The following KCNAB1 variants were observed in gnomAD, a reference collection of about 807,000 sequenced individuals.
KCNAB1 encodes potassium voltage-gated channel subfamily A regulatory beta subunit 1, also known as voltage-gated potassium channel subunit beta-1.
Under a neutral mutation model 64.6 loss-of-function variants are expected in KCNAB1, and 35 were observed. The observed-to-expected ratio is 0.54, with a 90% CI of 0.41 to 0.72. KCNAB1 has a LOEUF of 0.72. Among genes scored for constraint, KCNAB1 ranks in the 30% least tolerant of loss-of-function variants. The pLI is 0.00. For synonymous variants in KCNAB1, 177 were observed against 183.8 expected, an observed-to-expected ratio of 0.96 and a Z score of 0.30; for missense variants, 401 against 512.9, an observed-to-expected ratio of 0.78 and a Z score of 2.11.
chr3:156,267,307 G>T (rs1453348322), intron 1 of KCNAB1, among the ~76,000 whole-genome samples: 2 of 152,038 alleles, frequency 1.3e-5, no homozygotes, highest in Non-Finnish European at 2.9e-5. Context: ...TTACCTTATG[G>T]CTGGCTGACT....
intron 1 of KCNAB1, among the ~76,000 whole-genome samples, chr3:156,166,872 T>C (rs1195370850): frequency 2.0e-5 from 3 of 152,234 alleles, no homozygotes; most frequent in Admixed American, 6.5e-5. Flanking sequence ...TGTAACGTTC[T>C]GCGAAGGCTT....
intron 12 of KCNAB1, among the ~76,000 whole-genome samples, chr3:156,528,717 A>T (rs1718495543): frequency 6.6e-6 from 1 of 152,198 alleles, no homozygotes; most frequent in African/African-American, 2.4e-5. Flanking sequence ...AGGGAGAGGA[A>T]GAGGAGAAAA....
intron 1 of KCNAB1, among the ~76,000 whole-genome samples, chr3:156,317,336 T>G (rs1722343384): frequency 6.6e-6 from 1 of 152,336 alleles, no homozygotes; most frequent in African/African-American, 2.4e-5. Flanking sequence ...TCTTGCTATT[T>G]TCAAGCTTTT....
At chr3:156,527,746 A>C (rs1718422374) in intron 12 of KCNAB1, among the ~76,000 whole-genome samples, 1 of 152,190 alleles carries the variant, frequency 6.6e-6, no homozygotes, top group African/African-American at 2.4e-5. Flanking sequence ...AAACTCTCAG[A>C]ATCAAAAGGG....
intron 1 of KCNAB1, among the ~76,000 whole-genome samples, chr3:156,121,846 G>A (rs865883469): frequency 2.6e-5 from 4 of 152,272 alleles, no homozygotes; most frequent in African/African-American, 2.4e-5. Context: ...AGTGCACTCT[G>A]AGCTGCCTTT....
At chr3:156,504,061 T>A (rs1576949863) in intron 8 of KCNAB1, among the ~76,000 whole-genome samples, 1 of 152,146 alleles carries the variant, frequency 6.6e-6, no homozygotes, top group African/African-American at 2.4e-5. Flanking sequence ...TATCCTCCTT[T>A]CCCTCCCACT....
intron 1 of KCNAB1, among the ~76,000 whole-genome samples, chr3:156,385,339 T>C (rs1344911748): frequency 6.6e-6 from 1 of 152,126 alleles, no homozygotes; most frequent in Non-Finnish European, 1.5e-5. Flanking sequence ...GGTTGTTTAG[T>C]GCCTTCTAGA....
chr3:156,167,123 T>A (rs1195235464), intron 1 of KCNAB1, among the ~76,000 whole-genome samples: 1 of 152,216 alleles, frequency 6.6e-6, no homozygotes, highest in Non-Finnish European at 1.5e-5. Flanking sequence ...CACCACCATG[T>A]CCACATACCC....
chr3:156,390,550 T>TTCCTTCCTTCCTTCCC (rs1319173853), intron 1 of KCNAB1, among the ~76,000 whole-genome samples: 1 of 151,842 alleles, frequency 6.6e-6, no homozygotes, highest in Non-Finnish European at 1.5e-5. Context: ...CCTTCCTTCC[T>TTCCTTCCTTCCTTCCC]TCCCTCCCTC....
chr3:156,333,319 A>AACACACAC (rs10641743), intron 1 of KCNAB1, among the ~76,000 whole-genome samples: 1,434 of 143,336 alleles, frequency 0.01, 36 homozygotes, highest in South Asian at 0.053. Context: ...CGCACATAGA[A>AACACACAC]ACACACACAC....
At chr3:156,176,763 G>A in intron 1 of KCNAB1, 1 of 896,936 alleles carries the variant, frequency 1.1e-6, no homozygotes. Context: ...ACACCTCGGA[G>A]GTCCTGCTTG....
Position 156,511,702 on chromosome 3 carries a change from T to A in KCNAB1, c.659-2662T>A, listed in dbSNP as rs530022574. On this transcript the variant is annotated intron_variant, in intron 8 of 13. Coordinates refer to ENST00000490337, the MANE Select transcript of KCNAB1 (RefSeq NM_172160.3). ...TGCCTAGAATACAACAATACCTTCC[T>A]CAAGCTCTTTCTACTTCCTCCAGTC... Among the ~76,000 whole-genome samples the A allele has an allele frequency of 9.8e-5, 15 of 152,296 alleles. No homozygotes were observed. The East Asian group carries it at 2.5e-3, about 25-fold the overall frequency.
chr3:156,234,644 A>G (rs1576631317), intron 1 of KCNAB1, among the ~76,000 whole-genome samples: 1 of 152,166 alleles, frequency 6.6e-6, no homozygotes, highest in East Asian at 1.9e-4. Flanking sequence ...TGAAAGGACT[A>G]GGGAAGCAGA....
chr3:156,507,352 A>C (rs1716891650), intron 8 of KCNAB1, among the ~76,000 whole-genome samples: 1 of 151,254 alleles, frequency 6.6e-6, no homozygotes, highest in Admixed American at 6.6e-5. Flanking sequence ...TGATGGGACC[A>C]AAAAAAAACA....
intron 2 of KCNAB1, among the ~76,000 whole-genome samples, chr3:156,427,594 T>C (rs575573027): frequency 6.6e-6 from 1 of 152,298 alleles, no homozygotes; most frequent in Admixed American, 6.5e-5. Context: ...CACTGAATAA[T>C]AGCAAGGATG....
intron 1 of KCNAB1, 85 bp from the exon 2 acceptor site, chr3:156,421,531 C>A: frequency 1.4e-6 from 2 of 1,397,516 alleles, no homozygotes; most frequent in Non-Finnish European, 2.0e-6. Flanking sequence ...AAGAATCTGC[C>A]AAAATGGAGA....
chr3:156,376,135 T>A (rs1711637646), intron 1 of KCNAB1, among the ~76,000 whole-genome samples: 1 of 152,214 alleles, frequency 6.6e-6, no homozygotes, highest in Non-Finnish European at 1.5e-5. Flanking sequence ...TTTATTCTTT[T>A]AACAGTTATT....
At chr3:156,209,341 A>C (rs996403990) in intron 1 of KCNAB1, among the ~76,000 whole-genome samples, 9 of 152,316 alleles carry the variant, frequency 5.9e-5, no homozygotes, top group African/African-American at 1.9e-4. Flanking sequence ...GTTAACTGGT[A>C]TTTTGTTTGC....
chr3:156,481,957 C>T (rs1468176397), intron 8 of KCNAB1, among the ~76,000 whole-genome samples: 1 of 152,118 alleles, frequency 6.6e-6, no homozygotes, highest in South Asian at 2.1e-4. Flanking sequence ...ACTCTCCTTT[C>T]TCTGGATCTC....
Sources: allele counts gnomAD v4.1 joint callset (sites outside exome capture counted in the v4.1 genomes callset), GRCh38; gene constraint gnomAD v4.1.1; transcripts MANE v1.5; gene names NCBI Gene and HGNC (gene_info 2026-07-23, HGNC 2026-07-21).